KHDRBS2: variants seen among roughly 807,000 people sequenced by gnomAD.
The protein encoded by KHDRBS2 is KH domain-containing, RNA-binding, signal transduction-associated protein 2.
In KHDRBS2, 26 loss-of-function variants were observed where a neutral mutation model predicts 44.3. That is an observed-to-expected ratio of 0.59 (90% CI 0.43 to 0.81). The LOEUF is 0.81. KHDRBS2 is among the 40% of genes least tolerant of loss of function. The pLI is 0.00. For missense variants in KHDRBS2, 476 were observed against 433.1 expected (o/e 1.10, Z -0.88); for synonymous variants, 194 against 151.1 (o/e 1.28, Z -2.08).
the KHDRBS2 span, among the ~76,000 whole-genome samples, chr6:61,605,774 C>T: frequency 2.0e-5 from 3 of 152,190 alleles, no homozygotes; most frequent in Admixed American, 6.5e-5. Context: ...CACCCCAACA[C>T]TTTACCACTA....
chr6:61,898,124 T>A (rs1323374344), intron 5 of KHDRBS2, among the ~76,000 whole-genome samples: 2 of 152,090 alleles, frequency 1.3e-5, no homozygotes, highest in Non-Finnish European at 2.9e-5. Context: ...GCTTAAAATA[T>A]TCTAGACATC....
At chr6:62,285,573 C>T (rs1842372379) in intron 1 of KHDRBS2, among the ~76,000 whole-genome samples, 2 of 152,206 alleles carry the variant, frequency 1.3e-5, no homozygotes, top group African/African-American at 4.8e-5. Flanking sequence ...GACCGCGTTA[C>T]ATACACTTTA....
At chr6:61,615,248 A>AAAAAAAG in the KHDRBS2 span, among the ~76,000 whole-genome samples, 3 of 150,312 alleles carry the variant, frequency 2.0e-5, no homozygotes, top group Non-Finnish European at 3.0e-5. Flanking sequence ...AAAAAAAAAA[A>AAAAAAAG]AAAGAAAGAA....
chr6:62,124,295 T>A (rs1254869947), intron 2 of KHDRBS2, among the ~76,000 whole-genome samples: 5 of 152,182 alleles, frequency 3.3e-5, no homozygotes, highest in African/African-American at 1.2e-4. Context: ...GAGAAGTTGC[T>A]CATAGTTCTG....
chr6:61,881,786 C>T (rs765608063), intron 6 of KHDRBS2, among the ~76,000 whole-genome samples: 1 of 151,982 alleles, frequency 6.6e-6, no homozygotes, highest in African/African-American at 2.4e-5. Context: ...GGCTAAGGCA[C>T]CAACAAATTG....
At chr6:61,930,567 A>AAAAAAAG (rs1809851862) in intron 4 of KHDRBS2, among the ~76,000 whole-genome samples, 1 of 130,192 alleles carries the variant, frequency 7.7e-6, no homozygotes, top group African/African-American at 2.8e-5. Flanking sequence ...AAAAAAAAAA[A>AAAAAAAG]GGCTAGTCTA....
At chr6:62,241,024 G>A (rs1834574917) in intron 1 of KHDRBS2, among the ~76,000 whole-genome samples, 1 of 151,818 alleles carries the variant, frequency 6.6e-6, no homozygotes, top group South Asian at 2.1e-4. Flanking sequence ...TGGGTGTTTT[G>A]TTATTACCTC....
intron 7 of KHDRBS2, among the ~76,000 whole-genome samples, chr6:61,712,573 T>G (rs1397219743): frequency 1.3e-5 from 2 of 151,902 alleles, no homozygotes. Flanking sequence ...TCTTTGGAAC[T>G]GGACAGAAAC....
At chr6:61,599,250 C>T in the KHDRBS2 span, among the ~76,000 whole-genome samples, 1 of 151,902 alleles carries the variant, frequency 6.6e-6, no homozygotes, top group Non-Finnish European at 1.5e-5. Flanking sequence ...TTTGATATTG[C>T]CAAGGGAGTT....
intron 2 of KHDRBS2, among the ~76,000 whole-genome samples, chr6:62,081,829 C>A (rs1211329398): frequency 6.6e-6 from 1 of 151,880 alleles, no homozygotes. Flanking sequence ...CATTTTTGGA[C>A]ACTTTTTGGG....
chr6:61,758,620 A>G (rs1477218953), intron 6 of KHDRBS2, among the ~76,000 whole-genome samples: 2 of 152,082 alleles, frequency 1.3e-5, no homozygotes, highest in Admixed American at 6.5e-5. Flanking sequence ...CCCCAACCTC[A>G]TTTTATAATT....
intron 7 of KHDRBS2, among the ~76,000 whole-genome samples, chr6:61,716,562 T>A (rs1771461332): frequency 1.3e-5 from 2 of 152,146 alleles, no homozygotes; most frequent in South Asian, 2.1e-4. Context: ...TTCATTTTTT[T>A]AAAAAAACCT....
chr6:62,034,660 A>G (rs1784935692), intron 3 of KHDRBS2, among the ~76,000 whole-genome samples: 1 of 147,378 alleles, frequency 6.8e-6, no homozygotes, highest in East Asian at 2.1e-4. Flanking sequence ...AATATAAGCC[A>G]TGACAGACCC....
At chr6:61,945,894 G>T (rs1469182109) in intron 4 of KHDRBS2, among the ~76,000 whole-genome samples, 1 of 151,960 alleles carries the variant, frequency 6.6e-6, no homozygotes, top group Non-Finnish European at 1.5e-5. Flanking sequence ...CACTAAAATT[G>T]CACACAAAAT....
intron 2 of KHDRBS2, among the ~76,000 whole-genome samples, chr6:62,150,740 A>G (rs1272674191): frequency 6.6e-6 from 1 of 152,170 alleles, no homozygotes; most frequent in Non-Finnish European, 1.5e-5. Context: ...TTTTTCTAAA[A>G]GTAGTTTGTC....
chr6:61,880,077 T>C (rs943739784), intron 6 of KHDRBS2, among the ~76,000 whole-genome samples: 1 of 151,836 alleles, frequency 6.6e-6, no homozygotes, highest in Non-Finnish European at 1.5e-5. Context: ...AGTAGGCAAA[T>C]CAGGAGGAAT....
intron 6 of KHDRBS2, among the ~76,000 whole-genome samples, chr6:61,764,290 C>A (rs1644602297): frequency 6.6e-6 from 1 of 152,102 alleles, no homozygotes; most frequent in South Asian, 2.1e-4. Context: ...TTGCAGTGAA[C>A]ATATGTATAT....
At chr6:61,606,151 C>A in the KHDRBS2 span, among the ~76,000 whole-genome samples, 7 of 152,154 alleles carry the variant, frequency 4.6e-5, no homozygotes, top group Non-Finnish European at 8.8e-5. Context: ...TAAAAAGGCC[C>A]CACCCCTATC....
intron 2 of KHDRBS2, among the ~76,000 whole-genome samples, chr6:62,169,132 T>G (rs1355800081): frequency 2.4e-5 from 3 of 127,192 alleles, no homozygotes; most frequent in African/African-American, 8.8e-5. Flanking sequence ...TATATACATA[T>G]ACACACATAT....
Sources: allele counts gnomAD v4.1 joint callset (sites outside exome capture counted in the v4.1 genomes callset), GRCh38; gene constraint gnomAD v4.1.1; transcripts MANE v1.5; gene names NCBI Gene and HGNC (gene_info 2026-07-23, HGNC 2026-07-21).